Variants in KHDRBS2 observed in about 807,000 individuals in gnomAD.
KHDRBS2 encodes KH domain-containing, RNA-binding, signal transduction-associated protein 2.
In KHDRBS2, 26 loss-of-function variants were observed where a neutral mutation model predicts 44.3. The ratio of observed to expected loss-of-function variants is 0.59; its 90% CI spans 0.43 to 0.81. KHDRBS2 has a LOEUF of 0.81. Among genes scored for constraint, KHDRBS2 ranks in the 40% least tolerant of loss-of-function variants. The pLI is 0.00. For missense variants in KHDRBS2, 476 were observed against 433.1 expected, an observed-to-expected ratio of 1.10 and a Z score of -0.88; for synonymous variants, 194 against 151.1, an observed-to-expected ratio of 1.28 and a Z score of -2.08.
In KHDRBS2 at chr6:61,860,682, G is replaced by A. The variant is rs1206391186; in HGVS notation, c.810+33953C>T. Among the ~76,000 whole-genome samples, 4 of 151,990 alleles carry A rather than the reference G, an allele frequency of 2.6e-5. No homozygotes were observed. The East Asian group carries it at 5.8e-4, about 22-fold the overall frequency. On this transcript the variant is annotated intron_variant, in intron 6 of 8. Transcript: ENST00000281156. ...GTGAATAATGCTGCAGTGGACATAT[G>A]CATGCATGTGTCTTTAAAATAGAAT... is the stretch of plus-strand genomic sequence containing the variant.
intron 5 of KHDRBS2, among the ~76,000 whole-genome samples, chr6:61,900,971 C>T (rs928149562): frequency 5.3e-5 from 8 of 152,156 alleles, no homozygotes; most frequent in Non-Finnish European, 1.2e-4. Context: ...TGGAGTCAGA[C>T]TGTCTACGTG....
At chr6:62,153,709 A>T (rs1815728754) in intron 2 of KHDRBS2, among the ~76,000 whole-genome samples, 1 of 152,174 alleles carries the variant, frequency 6.6e-6, no homozygotes, top group Admixed American at 6.6e-5. Flanking sequence ...GGGACCTAGG[A>T]GCAGCTACTG....
chr6:62,128,758 T>C (rs1809561608), intron 2 of KHDRBS2, among the ~76,000 whole-genome samples: 1 of 151,738 alleles, frequency 6.6e-6, no homozygotes, highest in Admixed American at 6.6e-5. Context: ...AGAATTAATC[T>C]TTCCTTCTTC....
intron 2 of KHDRBS2, among the ~76,000 whole-genome samples, chr6:62,132,303 A>G (rs1247803078): frequency 6.6e-6 from 1 of 152,140 alleles, no homozygotes; most frequent in Non-Finnish European, 1.5e-5. Context: ...GTAGGACACC[A>G]CTTGTTTTTT....
At chr6:61,571,292 A>T in the KHDRBS2 span, among the ~76,000 whole-genome samples, 1 of 152,144 alleles carries the variant, frequency 6.6e-6, no homozygotes, top group Non-Finnish European at 1.5e-5. Context: ...CACAAAACAG[A>T]CTTTACAGCA....
chr6:61,684,642 G>C (rs1248686613), intron 8 of KHDRBS2, among the ~76,000 whole-genome samples: 1 of 151,736 alleles, frequency 6.6e-6, no homozygotes. Context: ...AAATAAGTAA[G>C]ATTCTCTCAA....
At chr6:61,770,434 T>C (rs1420575367) in intron 6 of KHDRBS2, among the ~76,000 whole-genome samples, 2 of 151,934 alleles carry the variant, frequency 1.3e-5, no homozygotes, top group East Asian at 3.9e-4. Flanking sequence ...GTTAAAAGCT[T>C]TGAAAAAAAA....
At chr6:62,172,555 C>T (rs1204560763) in intron 2 of KHDRBS2, among the ~76,000 whole-genome samples, 1 of 151,826 alleles carries the variant, frequency 6.6e-6, no homozygotes, top group Non-Finnish European at 1.5e-5. Flanking sequence ...ATATTCAGAA[C>T]CTGAACTCAA....
intron 4 of KHDRBS2, among the ~76,000 whole-genome samples, chr6:61,955,631 T>TGC (rs1321485104): frequency 1.5e-5 from 2 of 137,220 alleles, no homozygotes; most frequent in African/African-American, 5.7e-5. Flanking sequence ...TGCATACATG[T>TGC]GTATATACAC....
rs1820802179 is a variant in KHDRBS2 at position 62,175,034 on chromosome 6, T to A, written c.219+2151A>T. Among the ~76,000 whole-genome samples the A allele has an allele frequency of 3.3e-5, 5 of 151,630 alleles. No individual in the cohort carries two copies. The South Asian group carries it at 8.3e-4, about 25-fold the overall frequency. On this transcript the variant is annotated intron_variant, in intron 2 of 8. Coordinates refer to ENST00000281156, the MANE Select transcript of KHDRBS2 (RefSeq NM_152688.4). ...AGGAAAAAAATCACAACTTTTGTAA[T>A]AAAATATGGTTTGTTTTCAAAAGAT...
chr6:62,019,973 ATT>A (rs1283068866), intron 3 of KHDRBS2, among the ~76,000 whole-genome samples: 1 of 151,012 alleles, frequency 6.6e-6, no homozygotes, highest in Non-Finnish European at 1.5e-5. Flanking sequence ...TTTATACTTA[ATT>A]TGGTCTTCTT....
At chr6:61,753,542 A>G (rs1037672582) in intron 6 of KHDRBS2, among the ~76,000 whole-genome samples, 1 of 152,152 alleles carries the variant, frequency 6.6e-6, no homozygotes, top group African/African-American at 2.4e-5. Context: ...TGAGTTAATC[A>G]ATAGGATCTT....
At chr6:61,610,018 A>C in the KHDRBS2 span, among the ~76,000 whole-genome samples, 8 of 151,208 alleles carry the variant, frequency 5.3e-5, no homozygotes, top group African/African-American at 1.9e-4. Context: ...CTAAAAATAC[A>C]AAAAAAAATT....
chr6:62,067,555 T>A (rs889811264), intron 2 of KHDRBS2, among the ~76,000 whole-genome samples: 7 of 151,568 alleles, frequency 4.6e-5, no homozygotes, highest in African/African-American at 1.7e-4. Flanking sequence ...GACTATTGGT[T>A]TGAATATTTT....
Position 61,954,826 on chromosome 6 carries a change from A to G in KHDRBS2, c.483+23240T>C, listed in dbSNP as rs1303319680. On this transcript the variant is annotated intron_variant, in intron 4 of 8. Transcript: ENST00000281156. The stretch of plus-strand genomic sequence containing the variant: ...TGTATACATACGCATGTGTATATAC[A>G]CATGCATATGTATGTATACATATGC... Among the ~76,000 whole-genome samples the G allele has an allele frequency of 6.6e-5, 7 of 105,510 alleles. 1 individual carries two copies. The highest frequency in any genetic ancestry group is 1.2e-4 in the Non-Finnish European group (6 of 52,048). 69.2% of individuals were successfully genotyped at this position (105,510 alleles called of 152,430 possible).
intron 4 of KHDRBS2, among the ~76,000 whole-genome samples, chr6:61,952,872 A>G (rs1414118231): frequency 6.6e-6 from 1 of 152,004 alleles, no homozygotes; most frequent in Non-Finnish European, 1.5e-5. Context: ...CTCACAACAC[A>G]CATTATCTCT....
chr6:61,854,905 C>T (rs1412393761), intron 6 of KHDRBS2, among the ~76,000 whole-genome samples: 2 of 152,144 alleles, frequency 1.3e-5, no homozygotes, highest in Middle Eastern at 3.4e-3. Context: ...CTTGAAAGAC[C>T]ATATATCTTC....
chr6:61,624,410 T>C, the KHDRBS2 span, among the ~76,000 whole-genome samples: 1 of 152,168 alleles, frequency 6.6e-6, no homozygotes, highest in South Asian at 2.1e-4. Context: ...TTGGTGTTGT[T>C]CCTTTCTAGA....
chr6:61,898,768 TA>T (rs996758228), intron 5 of KHDRBS2, among the ~76,000 whole-genome samples: 36 of 151,886 alleles, frequency 2.4e-4, no homozygotes, highest in African/African-American at 8.4e-4. Context: ...ATTTACTTAT[TA>T]AAAAATGCAC....
Sources: allele counts gnomAD v4.1 joint callset (sites outside exome capture counted in the v4.1 genomes callset), GRCh38; gene constraint gnomAD v4.1.1; transcripts MANE v1.5; gene names NCBI Gene and HGNC (gene_info 2026-07-23, HGNC 2026-07-21).